CCDC102B: variants seen among roughly 807,000 people sequenced by gnomAD.
CCDC102B encodes the protein coiled-coil domain-containing protein 102B.
CCDC102B carries 75 observed loss-of-function variants against 57.4 expected under a neutral mutation model. The ratio of observed to expected loss-of-function variants is 1.31; its 90% CI spans 1.08 to 1.58. CCDC102B has a LOEUF of 1.58. Ranked by LOEUF, CCDC102B falls within the 40% of genes most tolerant of loss-of-function variation. The pLI is 0.00. For missense variants in CCDC102B, 636 were observed against 582.6 expected (o/e 1.09, Z -0.94); for synonymous variants, 206 against 201.9 (o/e 1.02, Z -0.17).
intron 6 of CCDC102B, among the ~76,000 whole-genome samples, chr18:68,990,077 A>G (rs936283193): frequency 6.6e-6 from 1 of 152,226 alleles, no homozygotes; most frequent in Non-Finnish European, 1.5e-5. Context: ...TTCTGAAATT[A>G]CAGGCAATTA....
In CCDC102B at chr18:68,768,982, G is replaced by A. The variant is rs114701775; in HGVS notation, c.-67+52388G>A. On this transcript the variant is annotated intron_variant, in intron 2 of 3. Coordinates refer to the CCDC102B transcript ENST00000578970. ...AAAGATGGAATTGATGGCTGAATTCGGTGGTTCACGCCTGTAATCCCAGCA... is the reference window on the plus strand; with the variant it reads ...AAAGATGGAATTGATGGCTGAATTCAGTGGTTCACGCCTGTAATCCCAGCA... Among the ~76,000 whole-genome samples the A allele has an allele frequency of 3.2e-3, 489 of 152,146 alleles. 4 individuals carry two copies. Among genetic ancestry groups the A allele is most frequent in the African/African-American group, 0.011 (463 of 41,528 alleles).
chr18:68,770,402 CTAAA>C (rs1274654955), intron 2 of CCDC102B, among the ~76,000 whole-genome samples: 1 of 152,148 alleles, frequency 6.6e-6, no homozygotes, highest in African/African-American at 2.4e-5. Flanking sequence ...TTGATCTAGA[CTAAA>C]TACTTAATTT....
chr18:69,054,641 T>A lies in CCDC102B; in HGVS notation c.*504T>A. ...TGTAACAATACATTTCTTATATAAT[T>A]TTATAAGTCATTTCTAATCTTTGTA... On this transcript the variant is annotated 3_prime_UTR_variant, in exon 8 of 8. Coordinates refer to ENST00000360242, the MANE Select transcript of CCDC102B (RefSeq NM_024781.3). 1.0e-6 allele frequency: 1 copy of A among 980,952 alleles called. No individual in the cohort carries two copies. Among genetic ancestry groups the A allele is most frequent in the Non-Finnish European group, 1.2e-6 (1 of 825,944 alleles). 60.8% of individuals were successfully genotyped at this position (980,952 alleles called of 1,614,324 possible).
intron 2 of CCDC102B, among the ~76,000 whole-genome samples, chr18:68,778,328 C>A (rs544123083): frequency 6.6e-6 from 1 of 152,192 alleles, no homozygotes; most frequent in East Asian, 1.9e-4. Context: ...CTAATTTGCT[C>A]TTTAGGAATT....
chr18:69,044,826 G>C (rs2052519292), intron 7 of CCDC102B, among the ~76,000 whole-genome samples: 1 of 152,130 alleles, frequency 6.6e-6, no homozygotes, highest in Admixed American at 6.6e-5. Flanking sequence ...ATTGTATGAG[G>C]CAGCATGGGC....
intron 6 of CCDC102B, among the ~76,000 whole-genome samples, chr18:68,956,334 T>TATAATATATATATAAA (rs2049849324): frequency 2.7e-5 from 2 of 73,502 alleles, no homozygotes; most frequent in Non-Finnish European, 2.5e-5. Context: ...ATATATATTA[T>TATAATATATATATAAA]ATATAATATA....
At chr18:68,912,921 G>C (rs754082009) in intron 6 of CCDC102B, among the ~76,000 whole-genome samples, 1 of 152,142 alleles carries the variant, frequency 6.6e-6, no homozygotes, top group East Asian at 1.9e-4. Context: ...ATTTGGGTTC[G>C]TGTGTACAAT....
intron 2 of CCDC102B, among the ~76,000 whole-genome samples, chr18:68,725,761 G>T (rs190564411): frequency 6.6e-6 from 1 of 152,124 alleles, no homozygotes; most frequent in Non-Finnish European, 1.5e-5. Context: ...AATTTTATCC[G>T]CAAAATCCCT....
chr18:68,765,377 GAAAA>G (rs2034429238), intron 2 of CCDC102B, among the ~76,000 whole-genome samples: 3 of 107,922 alleles, frequency 2.8e-5, no homozygotes, highest in Admixed American at 9.6e-5. Flanking sequence ...AAGAAAGAAA[GAAAA>G]GAAAGAAAGA....
chr18:68,909,347 A>G (rs2040757703), intron 6 of CCDC102B, among the ~76,000 whole-genome samples: 1 of 152,194 alleles, frequency 6.6e-6, no homozygotes, highest in Non-Finnish European at 1.5e-5. Flanking sequence ...TATTTTTGCC[A>G]ATATATCCCT....
Position 68,837,035 on chromosome 18 carries a change from C to G in CCDC102B, c.272C>G (p.Thr91Ser), listed in dbSNP as rs367831856. Residue 91 changes from threonine (T) to serine (S), a missense_variant, in exon 2 of 8, where the codon ACC (threonine) becomes AGC (serine). Coordinates refer to ENST00000360242, the MANE Select transcript of CCDC102B (RefSeq NM_024781.3). Reference sequence around the variant, plus strand: ...GCCAGAGCTGCTCAGATGGAAAAGACCATGCGGTGGTGGTCGGACTGCACT... The same window carrying G: ...GCCAGAGCTGCTCAGATGGAAAAGAGCATGCGGTGGTGGTCGGACTGCACT... ...VKARAAQMEK[T>S]MRWWSDCTAN... 93 of 1,613,964 alleles carry G rather than the reference C, an allele frequency of 5.8e-5. No homozygotes were observed. The highest frequency in any genetic ancestry group is 7.7e-5 in the Non-Finnish European group (91 of 1,180,034).
chr18:69,054,337 A>C lies in CCDC102B; in HGVS notation c.*200A>C. 1 of 1,225,624 alleles carries C rather than the reference A, an allele frequency of 8.2e-7. No homozygotes were observed. The highest frequency in any genetic ancestry group is 1.0e-6 in the Non-Finnish European group (1 of 983,164). The allele number at this position is 1,225,624 out of a possible 1,614,324, so 75.9% of individuals were successfully genotyped here. A position where few individuals can be genotyped will look rare whatever the true frequency, so the allele number is the denominator to read the frequency against. The stretch of plus-strand genomic sequence containing the variant: ...TGCATATTCTCAAAAAGACAATTTA[A>C]ATGTCATTTAAAAACAACTTTAATT... On this transcript the variant is annotated 3_prime_UTR_variant, in exon 8 of 8. Coordinates refer to ENST00000360242, the MANE Select transcript of CCDC102B (RefSeq NM_024781.3).
chr18:68,814,777 C>T (rs1441462995), intron 1 of CCDC102B, among the ~76,000 whole-genome samples: 2 of 151,780 alleles, frequency 1.3e-5, no homozygotes, highest in African/African-American at 2.4e-5. Context: ...TAGCAACGAG[C>T]GTGTTTCCCA....
intron 2 of CCDC102B, among the ~76,000 whole-genome samples, chr18:68,771,217 T>C (rs2034627543): frequency 6.6e-6 from 1 of 152,158 alleles, no homozygotes; most frequent in African/African-American, 2.4e-5. Flanking sequence ...ATAGTTTTGA[T>C]ACACTCCAGG....
Position 68,837,422 on chromosome 18 carries a change from TG to T in CCDC102B, c.606+57del, listed in dbSNP as rs1013024651. On this transcript the variant is annotated intron_variant, in intron 2 of 7. Transcript: ENST00000360242. The stretch of plus-strand genomic sequence containing the variant: ...AATTTCTGAAGGTCATATATAGTGA[TG>T]GGGAGGAAGAAGGAAGTGACAAATG... 312 of 1,522,468 alleles carry T rather than the reference TG, an allele frequency of 2.0e-4. 4 individuals carry two copies. The Admixed American group carries it at 5.5e-3, about 27-fold the overall frequency. 94.3% of individuals were successfully genotyped at this position (1,522,468 alleles called of 1,614,324 possible).
chr18:68,848,940 T>C (rs2037997013), intron 4 of CCDC102B, among the ~76,000 whole-genome samples: 1 of 152,130 alleles, frequency 6.6e-6, no homozygotes, highest in African/African-American at 2.4e-5. Context: ...TAACTTTTAA[T>C]TTTCTTTGAA....
chr18:68,981,836 C>T (rs1476596627), intron 6 of CCDC102B, among the ~76,000 whole-genome samples: 2 of 151,804 alleles, frequency 1.3e-5, no homozygotes, highest in Non-Finnish European at 2.9e-5. Flanking sequence ...TGACAACAGG[C>T]GGTGTTGGGT....
chr18:68,892,918 G>A (rs1017481833), intron 5 of CCDC102B, among the ~76,000 whole-genome samples: 2 of 152,192 alleles, frequency 1.3e-5, no homozygotes, highest in African/African-American at 4.8e-5. Context: ...TACAGGGAGT[G>A]TAGTTGAACC....
chr18:68,945,948 C>T (rs946928904), intron 6 of CCDC102B, among the ~76,000 whole-genome samples: 6 of 151,924 alleles, frequency 3.9e-5, no homozygotes, highest in Non-Finnish European at 5.9e-5. Flanking sequence ...TTCTAACATA[C>T]ATTATGTGTA....
Sources: allele counts gnomAD v4.1 joint callset (sites outside exome capture counted in the v4.1 genomes callset), GRCh38; gene constraint gnomAD v4.1.1; transcripts MANE v1.5; gene names NCBI Gene and HGNC (gene_info 2026-07-23, HGNC 2026-07-21).